ZNF385B: variants seen among roughly 807,000 people sequenced by gnomAD.
ZNF385B encodes the protein zinc finger protein 385B, also known as zinc finger protein 533.
In ZNF385B, 23 loss-of-function variants were observed where a neutral mutation model predicts 39.2. The ratio of observed to expected loss-of-function variants is 0.59; its 90% confidence interval spans 0.42 to 0.83. The LOEUF (loss-of-function observed/expected upper bound fraction) is 0.83, where lower values mean the gene tolerates loss of function less well. Ranked by LOEUF, ZNF385B falls within the 40% of genes least tolerant of loss-of-function variation. The pLI is 0.00. For missense variants in ZNF385B, 552 were observed against 598.9 expected, an observed-to-expected ratio of 0.92 and a Z score of 0.82; for synonymous variants, 205 against 222.6, an observed-to-expected ratio of 0.92 and a Z score of 0.70.
At chr2:179,842,269 A>G (rs558831285) in intron 1 of ZNF385B, among the ~76,000 whole-genome samples, 1 of 152,310 alleles carries the variant, frequency 6.6e-6, no homozygotes, top group South Asian at 2.1e-4. Context: ...CTGCCATCAG[A>G]TCAAATAGGT....
intron 1 of ZNF385B, among the ~76,000 whole-genome samples, chr2:179,797,864 T>C (rs773913618): frequency 1.3e-5 from 2 of 152,162 alleles, no homozygotes; most frequent in African/African-American, 2.4e-5. Context: ...ATTACCTCAA[T>C]CTGTTATTGT....
chr2:179,584,122 C>G (rs1250105503), intron 3 of ZNF385B: 1 of 437,428 alleles, frequency 2.3e-6, no homozygotes, highest in Non-Finnish European at 4.6e-6. Flanking sequence ...GTTTTTCAAC[C>G]TTGGCATTAA....
chr2:179,841,776 C>T (rs915356266), intron 1 of ZNF385B, among the ~76,000 whole-genome samples: 1 of 152,138 alleles, frequency 6.6e-6, no homozygotes, highest in African/African-American at 2.4e-5. Flanking sequence ...TATCCTAGCA[C>T]AGGTCATGAG....
At chr2:179,713,058 C>T (rs1412194203) in intron 3 of ZNF385B, among the ~76,000 whole-genome samples, 1 of 152,104 alleles carries the variant, frequency 6.6e-6, no homozygotes, top group Non-Finnish European at 1.5e-5. Flanking sequence ...GACTGTGTTG[C>T]CAGATGATTT....
chr2:179,588,879 A>G (rs1687323012), intron 3 of ZNF385B, among the ~76,000 whole-genome samples: 1 of 152,172 alleles, frequency 6.6e-6, no homozygotes, highest in Non-Finnish European at 1.5e-5. Context: ...CAGAAGGCAA[A>G]TGTCACAAAA....
intron 1 of ZNF385B, among the ~76,000 whole-genome samples, chr2:179,839,726 G>A (rs1269113095): frequency 6.6e-6 from 1 of 152,106 alleles, no homozygotes; most frequent in Admixed American, 6.5e-5. Context: ...GGATACTGCA[G>A]GAACCAAGGA....
intron 3 of ZNF385B, among the ~76,000 whole-genome samples, chr2:179,620,595 T>A (rs1311798980): frequency 6.6e-6 from 1 of 152,112 alleles, no homozygotes; most frequent in Non-Finnish European, 1.5e-5. Context: ...TAAAATCTTA[T>A]TTTTGCTAAG....
intron 5 of ZNF385B, among the ~76,000 whole-genome samples, chr2:179,516,609 C>T (rs892687866): frequency 6.6e-6 from 1 of 151,848 alleles, no homozygotes; most frequent in African/African-American, 2.4e-5. Flanking sequence ...AATTGTTTTC[C>T]CATTTTATCA....
At chr2:179,767,963 T>G (rs1473999481) in intron 3 of ZNF385B, among the ~76,000 whole-genome samples, 1 of 149,322 alleles carries the variant, frequency 6.7e-6, no homozygotes, top group Non-Finnish European at 1.5e-5. Context: ...TATATTTTGC[T>G]TTTTGAGATG....
intron 4 of ZNF385B, among the ~76,000 whole-genome samples, chr2:179,523,348 G>GTTTTT (rs574497139): frequency 1.8e-5 from 2 of 108,652 alleles, no homozygotes; most frequent in Admixed American, 9.4e-5. Context: ...ATCTGTGTGC[G>GTTTTT]TTTTTTTTTT....
chr2:179,657,437 T>TAGA (rs1693915136), intron 3 of ZNF385B, among the ~76,000 whole-genome samples: 1 of 152,188 alleles, frequency 6.6e-6, no homozygotes, highest in Admixed American at 6.5e-5. Flanking sequence ...AAGATATGAA[T>TAGA]AGAAGGCAGA....
At chr2:179,785,637 C>T (rs777923055) in intron 1 of ZNF385B, among the ~76,000 whole-genome samples, 4 of 151,972 alleles carry the variant, frequency 2.6e-5, no homozygotes, top group South Asian at 4.1e-4. Flanking sequence ...TAACTGCAGG[C>T]GTGACGGAAA....
intron 3 of ZNF385B, among the ~76,000 whole-genome samples, chr2:179,641,946 G>A (rs542979576): frequency 2.6e-5 from 4 of 152,132 alleles, no homozygotes; most frequent in East Asian, 1.9e-4. Context: ...TGGGAACAAC[G>A]TGTGGCTCCC....
At chr2:179,603,896 C>A (rs907817032) in intron 3 of ZNF385B, among the ~76,000 whole-genome samples, 4 of 152,006 alleles carry the variant, frequency 2.6e-5, no homozygotes, top group African/African-American at 9.7e-5. Context: ...GTAGTAGATT[C>A]TACAAGAAAG....
chr2:179,461,852 A>G (rs1387166898), intron 6 of ZNF385B, among the ~76,000 whole-genome samples: 2 of 152,250 alleles, frequency 1.3e-5, no homozygotes, highest in South Asian at 4.1e-4. Flanking sequence ...ACTCCCCAGG[A>G]CCTGTGAATT....
intron 1 of ZNF385B, among the ~76,000 whole-genome samples, chr2:179,833,336 G>A (rs1395515957): frequency 1.3e-5 from 2 of 151,746 alleles, no homozygotes; most frequent in Non-Finnish European, 1.5e-5. Flanking sequence ...AATAAGATGT[G>A]GTAGCTAGAA....
intron 3 of ZNF385B, among the ~76,000 whole-genome samples, chr2:179,611,858 G>C (rs570505287): frequency 1.3e-5 from 2 of 152,142 alleles, no homozygotes; most frequent in African/African-American, 4.8e-5. Flanking sequence ...AGTTTTTGTG[G>C]TATCGATTGT....
chr2:179,492,760 C>G (rs915654362), intron 5 of ZNF385B, among the ~76,000 whole-genome samples: 2 of 152,002 alleles, frequency 1.3e-5, no homozygotes, highest in African/African-American at 4.8e-5. Context: ...TAGAAGATAT[C>G]TTATAATTCA....
At chr2:179,840,628 A>G (rs1356350501) in intron 1 of ZNF385B, among the ~76,000 whole-genome samples, 1 of 152,198 alleles carries the variant, frequency 6.6e-6, no homozygotes, top group East Asian at 1.9e-4. Context: ...GGAATGATAC[A>G]AAATTTGTTC....
Sources: allele counts gnomAD v4.1 joint callset (sites outside exome capture counted in the v4.1 genomes callset), GRCh38; gene constraint gnomAD v4.1.1; transcripts MANE v1.5; gene names NCBI Gene and HGNC (gene_info 2026-07-23, HGNC 2026-07-21).